The following OR5A1 variants were observed in gnomAD, a reference collection of about 807,000 sequenced individuals.
The protein encoded by OR5A1 is olfactory receptor 5A1.
Under a neutral mutation model 6.7 loss-of-function variants are expected in OR5A1, and 6 were observed. That is an observed-to-expected ratio of 0.89 (90% confidence interval 0.49 to 1.76). The LOEUF (loss-of-function observed/expected upper bound fraction) is 1.76. Ranked by LOEUF, OR5A1 falls within the 40% of genes most tolerant of loss-of-function variation. The probability of loss-of-function intolerance (pLI) is 0.01; values close to 1 mark genes in which losing one functional copy is unlikely to be tolerated. For missense variants in OR5A1, 378 were observed against 381.7 expected (o/e 0.99, Z 0.08); for synonymous variants, 170 against 155.0 (o/e 1.10, Z -0.72).
In OR5A1 at chr11:59,450,896, ATT is replaced by A. The variant is rs1201691656; in HGVS notation, c.*6783_*6784del. 6.6e-6 allele frequency: 1 copy of A among 152,210 alleles called. No individual in the cohort carries two copies. Among genetic ancestry groups the A allele is most frequent in the East Asian group, 1.9e-4 (1 of 5,198 alleles). The allele number at this position is 152,210 out of a possible 1,614,324, so 9.4% of individuals were successfully genotyped here. On this transcript the variant is annotated 3_prime_UTR_variant, in exon 2 of 2. Coordinates refer to ENST00000641045, the MANE Select transcript of OR5A1 (RefSeq NM_001004728.2). ...CTATTGTGCCATATTTATTGAACAAATTTTCTATATCAGACGCTAACTTAAAT... is the reference window on the plus strand; with the variant it reads ...CTATTGTGCCATATTTATTGAACAAATTCTATATCAGACGCTAACTTAAAT...
rs1316577834 is a variant in OR5A1, at chr11:59,446,245, C to CT, written c.*2132dup. 6.6e-6 allele frequency: 1 copy of CT among 152,144 alleles called. No individual in the cohort carries two copies. The highest frequency in any genetic ancestry group is 1.9e-4 in the East Asian group (1 of 5,200). The allele number at this position is 152,144 out of a possible 1,614,324, so 9.4% of individuals were successfully genotyped here. A position where few individuals can be genotyped will look rare whatever the true frequency, so the allele number is the denominator to read the frequency against. On this transcript the variant is annotated 3_prime_UTR_variant, in exon 2 of 2. Coordinates refer to ENST00000641045, the MANE Select transcript of OR5A1 (RefSeq NM_001004728.2). ...AGCACCATTTATTAGATAGGGAATC[C>CT]TTTCCCCATTGCTTGTCTTTATCAG...
chr11:59,439,950 G>A (rs1437254179), intron 1 of OR5A1, among the ~76,000 whole-genome samples: 1 of 152,194 alleles, frequency 6.6e-6, no homozygotes, highest in Non-Finnish European at 1.5e-5. Context: ...AATAGTTGCT[G>A]CTGATAACAA....
intron 1 of OR5A1, among the ~76,000 whole-genome samples, chr11:59,442,807 G>A (rs1482232764): frequency 1.3e-5 from 2 of 152,198 alleles, no homozygotes; most frequent in Non-Finnish European, 2.9e-5. Flanking sequence ...ACAAATCTGT[G>A]AATTAATTGC....
At position 59,446,867 on chromosome 11, in the gene OR5A1, T is replaced by G. The variant is rs1325635431; in HGVS notation, c.*2751T>G. 1.6e-4 allele frequency: 24 copies of G among 152,250 alleles called. No homozygotes were observed. The highest frequency in any genetic ancestry group is 1.6e-3 in the Admixed American group (24 of 15,286). The allele number at this position is 152,250 out of a possible 1,614,324, so 9.4% of individuals were successfully genotyped here. A position where few individuals can be genotyped will look rare whatever the true frequency, so the allele number is the denominator to read the frequency against. The stretch of plus-strand genomic sequence containing the variant: ...GATTTGATTGTTCATATAACAGAAT[T>G]AATTATTTCCTCCATATCTGGAAGA... On this transcript the variant is annotated 3_prime_UTR_variant, in exon 2 of 2. Coordinates refer to ENST00000641045, the MANE Select transcript of OR5A1 (RefSeq NM_001004728.2).
At chr11:59,440,062 G>T (rs531235524) in intron 1 of OR5A1, among the ~76,000 whole-genome samples, 2 of 151,970 alleles carry the variant, frequency 1.3e-5, no homozygotes, top group Non-Finnish European at 1.5e-5. Flanking sequence ...AGTAGTTACT[G>T]TTTGTTTTAT....
rs544922324 is a variant in OR5A1, at chr11:59,445,920, T to G, written c.*1804T>G. Reference sequence around the variant, plus strand: ...TGTCAGATAGATAGATTGCAAAAATTTTCTCCCATTCTGTAGGTTGTCTGT... The same window carrying G: ...TGTCAGATAGATAGATTGCAAAAATGTTCTCCCATTCTGTAGGTTGTCTGT... On this transcript the variant is annotated 3_prime_UTR_variant, in exon 2 of 2. Coordinates refer to ENST00000641045, the MANE Select transcript of OR5A1 (RefSeq NM_001004728.2). 5 of 152,308 alleles carry G rather than the reference T, an allele frequency of 3.3e-5. No individual in the cohort carries two copies. In the East Asian group the frequency reaches 7.7e-4, roughly 23 times the overall value. The allele number at this position is 152,308 out of a possible 1,614,324, so 9.4% of individuals were successfully genotyped here.
In OR5A1 at chr11:59,448,561, C is replaced by A. The variant is rs973142536; in HGVS notation, c.*4445C>A. On this transcript the variant is annotated 3_prime_UTR_variant, in exon 2 of 2. Transcript: ENST00000641045. ...AAAAATTTAAAACATTATATAAATACCAGGGATTCCTGTTATTATCAAATG... is the reference window on the plus strand; with the variant it reads ...AAAAATTTAAAACATTATATAAATAACAGGGATTCCTGTTATTATCAAATG... The A allele has an allele frequency of 2.0e-5, 3 of 152,116 alleles. No homozygotes were observed. The highest frequency in any genetic ancestry group is 7.2e-5 in the African/African-American group (3 of 41,426). 9.4% of individuals were successfully genotyped at this position (152,116 alleles called of 1,614,324 possible). A position where few individuals can be genotyped will look rare whatever the true frequency, so the allele number is the denominator to read the frequency against.
At position 59,444,981 on chromosome 11, in the gene OR5A1, TA is replaced by T. The variant is rs894987163; in HGVS notation, c.*866del. On this transcript the variant is annotated 3_prime_UTR_variant, in exon 2 of 2. Transcript: ENST00000641045. The stretch of plus-strand genomic sequence containing the variant: ...TTCTTTAATATTTCACTAAATGTTG[TA>T]TTTTTTTTCTTTTAATTTAATTTAA... 4.2e-5 allele frequency: 2 copies of T among 47,334 alleles called. No individual in the cohort carries two copies. The highest frequency in any genetic ancestry group is 1.3e-4 in the Non-Finnish European group (1 of 7,618). 2.9% of individuals were successfully genotyped at this position (47,334 alleles called of 1,614,324 possible).
At chr11:59,438,358 T>G (rs1287168588) in intron 1 of OR5A1, among the ~76,000 whole-genome samples, 1 of 152,194 alleles carries the variant, frequency 6.6e-6, no homozygotes, top group Non-Finnish European at 1.5e-5. Context: ...TTTTAAGTCT[T>G]CAGAAAATCA....
chr11:59,443,020 A>G, intron 1 of OR5A1, 116 bp from the exon 2 acceptor site: 1 of 612,666 alleles, frequency 1.6e-6, no homozygotes, highest in Admixed American at 2.9e-5. Context: ...AGACTGAGAA[A>G]GAGAAAGAGA....
At chr11:59,439,074 C>T (rs72923326) in intron 1 of OR5A1, among the ~76,000 whole-genome samples, 6,082 of 152,246 alleles carry the variant, frequency 0.04, 265 homozygotes, top group African/African-American at 0.1. Context: ...TCCAACTCCA[C>T]AATTTGGCTG....
rs1590614653 is a variant in OR5A1 at position 59,445,373 on chromosome 11, T to A, written c.*1257T>A. ...TTTATGGCTGCATAGTATTCCATGG[T>A]ATGTATGTACCATATTTTCTTTATC... On this transcript the variant is annotated 3_prime_UTR_variant, in exon 2 of 2. Coordinates refer to ENST00000641045, the MANE Select transcript of OR5A1 (RefSeq NM_001004728.2). 1 of 152,220 alleles carries A rather than the reference T, an allele frequency of 6.6e-6. No homozygotes were observed. The highest frequency in any genetic ancestry group is 1.5e-5 in the Non-Finnish European group (1 of 68,034). The allele number at this position is 152,220 out of a possible 1,614,324, so 9.4% of individuals were successfully genotyped here.
chr11:59,441,477 A>C (rs952971263), intron 1 of OR5A1, among the ~76,000 whole-genome samples: 23 of 152,196 alleles, frequency 1.5e-4, no homozygotes, highest in African/African-American at 5.1e-4. Flanking sequence ...TGATTTCCAA[A>C]TTATTTGGGT....
chr11:59,441,982 A>AGATAGAT (rs1343249051), intron 1 of OR5A1, among the ~76,000 whole-genome samples: 3 of 134,406 alleles, frequency 2.2e-5, no homozygotes, highest in Non-Finnish European at 4.9e-5. Context: ...ATAGATAGAT[A>AGATAGAT]GATAGATGAT....
rs1858518702 is a variant in OR5A1 at position 59,443,983 on chromosome 11, G to A, written c.815G>A (p.Gly272Asp). The part of the protein sequence containing the change: ...YLRPSSSYLL[G>D]RDKVVSVFYS... ...CGACCCAGCTCCAGCTACTTGCTAG[G>A]CAGGGACAAGGTGGTGTCTGTTTTC... The change falls in exon 2 of 2, where the codon GGC becomes GAC. Residue 272 changes from glycine (G) to aspartate (D), a missense_variant. By Grantham distance (94) the Gly-to-Asp change is moderately conservative. Coordinates refer to ENST00000641045, the MANE Select transcript of OR5A1 (RefSeq NM_001004728.2). The A allele has an allele frequency of 1.2e-6, 2 of 1,614,100 alleles. No individual in the cohort carries two copies. The highest frequency in any genetic ancestry group is 8.5e-7 in the Non-Finnish European group (1 of 1,180,002).
intron 1 of OR5A1, among the ~76,000 whole-genome samples, chr11:59,439,243 G>C (rs1858455418): frequency 6.6e-6 from 1 of 152,118 alleles, no homozygotes; most frequent in Non-Finnish European, 1.5e-5. Flanking sequence ...CAATTATCCA[G>C]TATCTTCTAT....
In OR5A1 at chr11:59,444,004, T is replaced by A. The variant is rs772215538; in HGVS notation, c.836T>A (p.Val279Asp). The change falls in exon 2 of 2, where the codon GTT becomes GAT. Residue 279 changes from valine to aspartate, a missense_variant. Coordinates refer to ENST00000641045, the MANE Select transcript of OR5A1 (RefSeq NM_001004728.2). The stretch of plus-strand genomic sequence containing the variant: ...CTAGGCAGGGACAAGGTGGTGTCTG[T>A]TTTCTATTCATTGGTGATCCCCATG... Reference protein sequence around the residue: ...YLLGRDKVVSVFYSLVIPMLN... With the variant: ...YLLGRDKVVSDFYSLVIPMLN... 2.5e-6 allele frequency: 4 copies of A among 1,614,034 alleles called. No individual in the cohort carries two copies. The South Asian group carries it at 3.3e-5, about 13-fold the overall frequency.
chr11:59,439,103 G>A (rs1453741863), intron 1 of OR5A1, among the ~76,000 whole-genome samples: 1 of 152,118 alleles, frequency 6.6e-6, no homozygotes, highest in East Asian at 1.9e-4. Flanking sequence ...ATCATTCCAT[G>A]TTTTCCTCCA....
chr11:59,447,195 G>A lies in OR5A1; in HGVS notation c.*3079G>A, dbSNP rs1156585704. The A allele has an allele frequency of 6.6e-6, 1 of 152,194 alleles. No homozygotes were observed. The highest frequency in any genetic ancestry group is 1.5e-5 in the Non-Finnish European group (1 of 68,046). 9.4% of individuals were successfully genotyped at this position (152,194 alleles called of 1,614,324 possible). The stretch of plus-strand genomic sequence containing the variant: ...CACTTTGTGACATTTCCCCCAAGTG[G>A]GCCCCTGATTAGGTTGAAGTGGGGA... On this transcript the variant is annotated 3_prime_UTR_variant, in exon 2 of 2. Transcript: ENST00000641045.
Sources: allele counts gnomAD v4.1 joint callset (sites outside exome capture counted in the v4.1 genomes callset), GRCh38; gene constraint gnomAD v4.1.1; transcripts MANE v1.5; gene names NCBI Gene and HGNC (gene_info 2026-07-23, HGNC 2026-07-21).